The following MGST1 variants were observed in gnomAD, a reference collection of about 807,000 sequenced individuals.
MGST1 encodes glutathione S-transferase 12.
MGST1 carries 5 observed loss-of-function variants against 8.9 expected under a neutral mutation model. That is an observed-to-expected ratio of 0.56 (90% CI 0.29 to 1.19). MGST1 has a LOEUF of 1.19. MGST1 is among the 50% of genes most tolerant of loss of function. The pLI is 0.08. For synonymous variants in MGST1, 54 were observed against 67.8 expected (o/e 0.80, Z 1.00); for missense variants, 182 against 187.4 (o/e 0.97, Z 0.17).
chr12:16,505,517 T>G (rs954580702), intron 4 of MGST1, among the ~76,000 whole-genome samples: 1 of 152,322 alleles, frequency 6.6e-6, no homozygotes, highest in Middle Eastern at 3.4e-3. Flanking sequence ...TCATCCAGAC[T>G]AAAAACCCCT....
chr12:16,578,132 A>G (rs1272809134), intron 4 of MGST1, among the ~76,000 whole-genome samples: 2 of 152,182 alleles, frequency 1.3e-5, no homozygotes, highest in African/African-American at 4.8e-5. Context: ...GCCAGGCAAC[A>G]GAGACTGAGT....
At chr12:16,420,055 T>G (rs946993735) in intron 1 of MGST1, among the ~76,000 whole-genome samples, 1 of 152,208 alleles carries the variant, frequency 6.6e-6, no homozygotes, top group African/African-American at 2.4e-5. Flanking sequence ...AAGAAAACAT[T>G]TATGTTAACA....
chr12:16,566,653 A>G (rs1405243285), intron 4 of MGST1, among the ~76,000 whole-genome samples: 1 of 152,314 alleles, frequency 6.6e-6, no homozygotes, highest in East Asian at 1.9e-4. Context: ...AATTAAATCT[A>G]TATTAACTCT....
At chr12:16,399,158 A>T in intron 1 of MGST1, 1 of 1,096,594 alleles carries the variant, frequency 9.1e-7, no homozygotes, top group African/African-American at 1.6e-5. Flanking sequence ...CGAAACCCAT[A>T]AACACAAATG....
chr12:16,394,518 CTTTCTT>C (rs1565446386), intron 1 of MGST1, among the ~76,000 whole-genome samples: 2,068 of 77,690 alleles, frequency 0.027, 123 homozygotes, highest in African/African-American at 0.098. Context: ...CTCTCCCTTT[CTTTCTT>C]TCTTTCTTTC....
intron 4 of MGST1, chr12:16,549,740 G>C (rs1941917150): frequency 6.6e-6 from 1 of 152,098 alleles, no homozygotes; most frequent in Non-Finnish European, 1.5e-5. Context: ...TTCTATTACA[G>C]GGAGCAAAAG....
At chr12:16,532,255 A>T (rs1449636195) in intron 4 of MGST1, among the ~76,000 whole-genome samples, 1 of 152,088 alleles carries the variant, frequency 6.6e-6, no homozygotes, top group African/African-American at 2.4e-5. Flanking sequence ...TTCTGATTCC[A>T]TTCAGGGCCA....
At chr12:16,397,370 A>G (rs1416065368) in intron 1 of MGST1, among the ~76,000 whole-genome samples, 1 of 152,224 alleles carries the variant, frequency 6.6e-6, no homozygotes, top group African/African-American at 2.4e-5. Context: ...TGGCTTAGGC[A>G]AACACTTTAT....
Position 16,497,728 on chromosome 12 carries a change from G to A in MGST1, n.483-91800G>A, listed in dbSNP as rs184815809. ...TATAACCATTTTTCACCTGTTAATC[G>A]TTCTGGTTGTAGCCATTTTTACTGT... On this transcript the variant is annotated intron_variant and non_coding_transcript_variant, in intron 4 of 4. Transcript: ENST00000538857. The surrounding 1 kb of genome is among the most constrained non-coding windows in gnomAD (Gnocchi z 4.4). 1.0e-3 allele frequency among the ~76,000 whole-genome samples: 156 copies of A among 152,076 alleles called. 1 individual carries two copies. Among genetic ancestry groups the A allele is most frequent in the Middle Eastern group, 3.4e-3 (1 of 294 alleles).
rs1195934054 is a variant in MGST1, at chr12:16,395,800, TATATACACAC to T, written n.778+12198_778+12207del. On this transcript the variant is annotated intron_variant and non_coding_transcript_variant, in intron 1 of 1. Transcript: ENST00000359720. ...TCCATCATATATATATATATATATA[TATATACACAC>T]ACACACACACACACACCACAATTTC... 8.9e-4 allele frequency among the ~76,000 whole-genome samples: 120 copies of T among 135,352 alleles called. 2 individuals carry two copies. In the Middle Eastern group the frequency reaches 0.011, roughly 12 times the overall value. The allele number at this position is 135,352 out of a possible 152,430, so 88.8% of individuals were successfully genotyped here. A position where few individuals can be genotyped will look rare whatever the true frequency, so the allele number is the denominator to read the frequency against.
intron 4 of MGST1, among the ~76,000 whole-genome samples, chr12:16,493,505 G>A (rs139811116): frequency 1.1e-4 from 17 of 152,184 alleles, no homozygotes; most frequent in Admixed American, 2.6e-4. Context: ...GGAAAACACC[G>A]GTTTAAGTTA....
intron 4 of MGST1, among the ~76,000 whole-genome samples, chr12:16,507,676 C>T (rs1941547673): frequency 6.6e-6 from 1 of 152,050 alleles, no homozygotes; most frequent in South Asian, 2.1e-4. Context: ...GAAGGGAGGG[C>T]AAGCACATCT....
rs568186359 is a variant in MGST1 at position 16,395,106 on chromosome 12, ACTC to A, written n.778+11505_778+11507del. On this transcript the variant is annotated intron_variant and non_coding_transcript_variant, in intron 1 of 1. Transcript: ENST00000359720. ...GTGCTTTCTGAATAAATTTTATAAT[ACTC>A]CTAGTTTATAACAATATTTACATTA... 8.6e-5 allele frequency among the ~76,000 whole-genome samples: 13 copies of A among 151,626 alleles called. No homozygotes were observed. In the South Asian group the frequency reaches 2.3e-3, roughly 27 times the overall value.
intron 4 of MGST1, among the ~76,000 whole-genome samples, chr12:16,474,878 CATT>C (rs1941311577): frequency 6.6e-6 from 1 of 152,278 alleles, no homozygotes; most frequent in Non-Finnish European, 1.5e-5. Flanking sequence ...TGAAAGCTGT[CATT>C]ATTGGGATAA....
intron 4 of MGST1, among the ~76,000 whole-genome samples, chr12:16,461,545 A>G (rs1941221257): frequency 1.3e-5 from 2 of 152,140 alleles, no homozygotes; most frequent in African/African-American, 4.8e-5. Flanking sequence ...GGCACCAACA[A>G]TATAAAAACT....
chr12:16,506,161 A>G (rs1297481926), intron 4 of MGST1, among the ~76,000 whole-genome samples: 1 of 152,206 alleles, frequency 6.6e-6, no homozygotes, highest in Non-Finnish European at 1.5e-5. Flanking sequence ...GGCAGAAGAT[A>G]TGAAAGATAA....
At chr12:16,561,231 T>C (rs1163532545) in intron 4 of MGST1, among the ~76,000 whole-genome samples, 1 of 152,188 alleles carries the variant, frequency 6.6e-6, no homozygotes, top group Non-Finnish European at 1.5e-5. Flanking sequence ...GAATCGTTAT[T>C]GTAATGACCT....
At chr12:16,348,333 G>A (rs1410396025) in intron 1 of MGST1, among the ~76,000 whole-genome samples, 1 of 152,206 alleles carries the variant, frequency 6.6e-6, no homozygotes, top group East Asian at 1.9e-4. Flanking sequence ...CTAAGGGTGA[G>A]CCCCTTGGGA....
At chr12:16,441,785 AC>A (rs1377063582), downstream of MGST1, among the ~76,000 whole-genome samples, 1 of 151,854 alleles carries the variant, frequency 6.6e-6, no homozygotes, top group African/African-American at 2.4e-5. Context: ...ATTGTGAATA[AC>A]CCTGCTTTAA....
Sources: allele counts gnomAD v4.1 joint callset (sites outside exome capture counted in the v4.1 genomes callset), GRCh38; gene constraint gnomAD v4.1.1; non-coding constraint Gnocchi (gnomAD v3.1); transcripts MANE v1.5; gene names NCBI Gene and HGNC (gene_info 2026-07-23, HGNC 2026-07-21).